TPM4: variants seen among roughly 807,000 people sequenced by gnomAD.
TPM4 encodes the protein tropomyosin 4, also known as tropomyosin alpha-4 chain.
Under a neutral mutation model 35.8 loss-of-function variants are expected in TPM4, and 17 were observed. That is an observed-to-expected ratio of 0.47 (90% CI 0.32 to 0.71). The LOEUF is 0.71. Among genes scored for constraint, TPM4 ranks in the 30% least tolerant of loss-of-function variants. The pLI, the probability that TPM4 is intolerant of heterozygous loss-of-function variation, is 0.03. For synonymous variants in TPM4, 120 were observed against 122.9 expected (o/e 0.98, Z 0.15); for missense variants, 240 against 320.9 (o/e 0.75, Z 1.93).
intron 7 of TPM4, among the ~76,000 whole-genome samples, chr19:16,094,861 C>T (rs1469000358): frequency 2.6e-5 from 4 of 152,100 alleles, no homozygotes; most frequent in African/African-American, 7.2e-5. Context: ...TTCTTCAGAC[C>T]ATATCTTCCA....
upstream of TPM4, chr19:16,075,233 G>A (rs888524083): frequency 6.6e-6 from 1 of 152,232 alleles, no homozygotes; most frequent in African/African-American, 2.4e-5. Context: ...GTGACAAAGA[G>A]AGGTGATGGG....
chr19:16,081,580 G>A (rs1430445943), intron 1 of TPM4: 1 of 170,576 alleles, frequency 5.9e-6, no homozygotes. Context: ...ATTTTTAGTA[G>A]AGACAGGGTT....
At chr19:16,068,434 C>T (rs2090320122) in intron 2 of TPM4, among the ~76,000 whole-genome samples, 1 of 152,094 alleles carries the variant, frequency 6.6e-6, no homozygotes, top group Admixed American at 6.6e-5. Context: ...CGTCTGCCTC[C>T]CAAAGTGCTG....
chr19:16,076,223 G>A (rs2090403404), upstream of TPM4: 3 of 1,548,246 alleles, frequency 1.9e-6, no homozygotes, highest in Admixed American at 2.0e-5. Flanking sequence ...CCGGAGCCCC[G>A]GGGCCGGGAA....
Position 16,102,414 on chromosome 19 carries a change from T to C in TPM4, c.*1068T>C, listed in dbSNP as rs1459710294. On this transcript the variant is annotated 3_prime_UTR_variant, in exon 8 of 8. Coordinates refer to ENST00000643579, the MANE Select transcript of TPM4 (RefSeq NM_003290.3). ...AGTAATGACCCACTCAGCAGGAATA[T>C]GGTGGAGTTCAGTCCAATTCAGGTC... 4.1e-5 allele frequency: 9 copies of C among 220,626 alleles called. No homozygotes were observed. The highest frequency in any genetic ancestry group is 7.3e-5 in the Non-Finnish European group (8 of 109,858). The allele number at this position is 220,626 out of a possible 1,614,324, so 13.7% of individuals were successfully genotyped here. A position where few individuals can be genotyped will look rare whatever the true frequency, so the allele number is the denominator to read the frequency against.
At chr19:16,073,941 A>T (rs1413144285), upstream of TPM4, among the ~76,000 whole-genome samples, 1 of 87,698 alleles carries the variant, frequency 1.1e-5, no homozygotes, top group African/African-American at 4.9e-5. Context: ...GACCATGTAA[A>T]AAAAAAAAAA....
rs201059288 is a variant in TPM4, at chr19:16,087,885, C to CA, written c.385-134dup. On this transcript the variant is annotated intron_variant, in intron 3 of 7. Transcript: ENST00000643579. ...AACAGAGGGAGACTCCGTCCCCCTG[C>CA]AAAAAAAAGAAACACCAGAAAAACC... is the stretch of plus-strand genomic sequence containing the variant. 6.1e-4 allele frequency: 520 copies of CA among 849,216 alleles called. 6 individuals are homozygous for CA. The highest frequency in any genetic ancestry group is 5.7e-3 in the South Asian group (372 of 65,370). 52.6% of individuals were successfully genotyped at this position (849,216 alleles called of 1,614,324 possible).
intron 1 of TPM4, chr19:16,081,631 T>C (rs2090484263): frequency 4.6e-6 from 1 of 219,656 alleles, no homozygotes; most frequent in Non-Finnish European, 9.0e-6. Flanking sequence ...CTTGACCTTG[T>C]GATACACCCA....
chr19:16,076,070 C>G (rs1282654038), upstream of TPM4: 1 of 1,608,896 alleles, frequency 6.2e-7, no homozygotes, highest in Non-Finnish European at 8.5e-7. Context: ...TGACGCACCT[C>G]CAGAAGAAAC....
intron 7 of TPM4, chr19:16,095,436 G>T: frequency 9.7e-7 from 1 of 1,028,688 alleles, no homozygotes; most frequent in Non-Finnish European, 1.2e-6. Flanking sequence ...CCTGCCTTCT[G>T]GTTTGAACGT....
intron 3 of TPM4, among the ~76,000 whole-genome samples, chr19:16,087,233 G>A (rs1031778355): frequency 6.6e-6 from 1 of 152,130 alleles, no homozygotes; most frequent in African/African-American, 2.4e-5. Flanking sequence ...AGTGAGCTCT[G>A]ACCACGCCAC....
chr19:16,069,564 A>G (rs377366964), intron 2 of TPM4, among the ~76,000 whole-genome samples: 32 of 9,242 alleles, frequency 3.5e-3, no homozygotes, highest in African/African-American at 7.2e-3. Context: ...GTGTGTTTCT[A>G]TTGGTGTGTG....
intron 3 of TPM4, among the ~76,000 whole-genome samples, chr19:16,087,434 G>A (rs1020285625): frequency 3.3e-5 from 5 of 152,090 alleles, no homozygotes; most frequent in Non-Finnish European, 5.9e-5. Context: ...AAAATTAGCC[G>A]GGCATGGTCG....
At position 16,093,675 on chromosome 19, in the gene TPM4, C is replaced by T. The variant is rs1188359111; in HGVS notation, c.595-9C>T. ...AAGCCATGATAGTAACTCCTTTCTT[C>T]TTATCTAGGCTGAGACCCGTGCTGA... is the stretch of plus-strand genomic sequence containing the variant. On this transcript the variant is annotated splice_polypyrimidine_tract_variant and intron_variant, in intron 6 of 7. Transcript: ENST00000643579. The T allele has an allele frequency of 1.2e-6, 2 of 1,614,216 alleles. No individual in the cohort carries two copies. Among genetic ancestry groups the T allele is most frequent in the Non-Finnish European group, 1.7e-6 (2 of 1,180,038 alleles).
chr19:16,076,480 G>T (rs950645832), upstream of TPM4: 14 of 1,331,126 alleles, frequency 1.1e-5, no homozygotes, highest in Non-Finnish European at 1.1e-5. Context: ...AGGCTTGGGG[G>T]GCCGGGGCGC....
chr19:16,068,019 G>A, intron 2 of TPM4: 1 of 469,540 alleles, frequency 2.1e-6, no homozygotes. Flanking sequence ...GTTCGTGAGC[G>A]AGGTGTCGTT....
intron 4 of TPM4, 168 bp downstream of exon 4, chr19:16,088,265 G>A (rs960137679): frequency 5.6e-5 from 79 of 1,407,684 alleles, no homozygotes; most frequent in Non-Finnish European, 7.1e-5. Context: ...AAGAGGTGGT[G>A]ACTTGTTCTT....
intron 7 of TPM4, among the ~76,000 whole-genome samples, chr19:16,098,446 CA>C (rs143342456): frequency 2.7e-5 from 4 of 148,418 alleles, no homozygotes; most frequent in African/African-American, 7.5e-5. Context: ...GACTCCGCCT[CA>C]AAAAAAAAGA....
At chr19:16,075,662 C>CG (rs2090395953), upstream of TPM4, 1 of 176,662 alleles carries the variant, frequency 5.7e-6, no homozygotes, top group African/African-American at 2.4e-5. Flanking sequence ...CAGGGATGGG[C>CG]GGAGGGATCC....
Sources: allele counts gnomAD v4.1 joint callset (sites outside exome capture counted in the v4.1 genomes callset), GRCh38; gene constraint gnomAD v4.1.1; transcripts MANE v1.5; gene names NCBI Gene and HGNC (gene_info 2026-07-23, HGNC 2026-07-21).